Variants in TPD52 observed in about 807,000 individuals in gnomAD.
The protein encoded by TPD52 is tumor protein D52.
Under a neutral mutation model 31.3 loss-of-function variants are expected in TPD52, and 17 were observed. The ratio of observed to expected loss-of-function variants is 0.54; its 90% CI spans 0.37 to 0.82. TPD52 has a LOEUF of 0.82. Ranked by LOEUF, TPD52 falls within the 40% of genes least tolerant of loss-of-function variation. TPD52 has a pLI of 0.00. For synonymous variants in TPD52, 83 were observed against 89.6 expected, an observed-to-expected ratio of 0.93 and a Z score of 0.42; for missense variants, 212 against 240.1, an observed-to-expected ratio of 0.88 and a Z score of 0.77.
intron 1 of TPD52, among the ~76,000 whole-genome samples, chr8:80,101,871 T>G (rs961177651): frequency 4.6e-5 from 7 of 151,948 alleles, no homozygotes; most frequent in African/African-American, 1.7e-4. Flanking sequence ...AACATGAGAT[T>G]TGGAGGGAAC....
intron 1 of TPD52, among the ~76,000 whole-genome samples, chr8:80,114,715 T>TC (rs60392080): frequency 0.11 from 16,919 of 152,238 alleles, 1,175 homozygotes; most frequent in South Asian, 0.21. Context: ...CCCCTGTGCC[T>TC]CTGTTGATGT....
At chr8:80,159,321 A>G (rs1278175049) in intron 1 of TPD52, among the ~76,000 whole-genome samples, 2 of 152,164 alleles carry the variant, frequency 1.3e-5, no homozygotes, top group African/African-American at 2.4e-5. Context: ...TTTACAATCA[A>G]TTCTGATGCA....
chr8:80,100,405 A>G (rs560105390), intron 1 of TPD52, among the ~76,000 whole-genome samples: 1 of 152,358 alleles, frequency 6.6e-6, no homozygotes, highest in Admixed American at 6.5e-5. Context: ...GACAAAGAGA[A>G]GCAAAAAGGC....
intron 5 of TPD52, among the ~76,000 whole-genome samples, chr8:80,046,208 T>A (rs560504083): frequency 3.9e-5 from 6 of 152,338 alleles, no homozygotes; most frequent in Non-Finnish European, 7.4e-5. Flanking sequence ...ATCACTGAAA[T>A]GAATTTGGTG....
intron 1 of TPD52, among the ~76,000 whole-genome samples, chr8:80,107,293 A>C (rs767388924): frequency 1.5e-4 from 23 of 152,174 alleles, no homozygotes; most frequent in Non-Finnish European, 2.2e-4. Flanking sequence ...CAAGCATTAC[A>C]TCAATTCAGC....
At chr8:80,127,669 A>G (rs1041374067) in intron 1 of TPD52, 4 of 152,274 alleles carry the variant, frequency 2.6e-5, no homozygotes, top group Admixed American at 6.5e-5. Context: ...ACTGCAAATC[A>G]GACCAGCAAG....
intron 7 of TPD52, among the ~76,000 whole-genome samples, chr8:80,039,602 T>C (rs1444758089): frequency 6.6e-6 from 1 of 152,144 alleles, no homozygotes; most frequent in African/African-American, 2.4e-5. Flanking sequence ...TCTCTAACAT[T>C]TACAGAAGAA....
intron 1 of TPD52, among the ~76,000 whole-genome samples, chr8:80,133,304 C>A (rs1549462): frequency 6.6e-6 from 1 of 151,868 alleles, no homozygotes; most frequent in Non-Finnish European, 1.5e-5. Context: ...CTTAGGCAAA[C>A]GGTGACAGCC....
intron 1 of TPD52, among the ~76,000 whole-genome samples, chr8:80,107,203 CA>C (rs1807197115): frequency 6.6e-6 from 1 of 152,154 alleles, no homozygotes; most frequent in African/African-American, 2.4e-5. Flanking sequence ...TGCACTAAAC[CA>C]GACCTGCAGA....
At chr8:80,039,163 T>C (rs1810141019) in intron 7 of TPD52, among the ~76,000 whole-genome samples, 1 of 152,204 alleles carries the variant, frequency 6.6e-6, no homozygotes, top group Non-Finnish European at 1.5e-5. Context: ...CTTTTTGATC[T>C]ACCATCCAAA....
chr8:80,086,532 G>C (rs1430383597), intron 1 of TPD52, among the ~76,000 whole-genome samples: 1 of 152,002 alleles, frequency 6.6e-6, no homozygotes, highest in Non-Finnish European at 1.5e-5. Flanking sequence ...TAGGTCCATT[G>C]AAAAAACTGG....
rs370541892 is a variant in TPD52, at chr8:80,045,162, G to A, written c.414-954C>T. ...GTATTCTCTCTATCCTACAATGGTG[G>A]TCAATACCTAGGGTATAAGAGTATA... On this transcript the variant is annotated intron_variant, in intron 5 of 7. Coordinates refer to ENST00000518937, the MANE Select transcript of TPD52 (RefSeq NM_001025253.3). Among the ~76,000 whole-genome samples, 7 of 152,284 alleles carry A rather than the reference G, an allele frequency of 4.6e-5. No individual in the cohort carries two copies. The South Asian group carries it at 8.3e-4, about 18-fold the overall frequency.
chr8:80,073,447 C>A (rs1170523048), intron 1 of TPD52, among the ~76,000 whole-genome samples: 1 of 152,202 alleles, frequency 6.6e-6, no homozygotes, highest in Admixed American at 6.5e-5. Context: ...CCCTGGACCC[C>A]GTGACCTTGG....
At chr8:80,154,001 T>A (rs1285089266) in intron 1 of TPD52, among the ~76,000 whole-genome samples, 1 of 152,214 alleles carries the variant, frequency 6.6e-6, no homozygotes, top group African/African-American at 2.4e-5. Flanking sequence ...TCCCTCCCTA[T>A]GCGCCCTTTC....
At chr8:80,148,089 G>A (rs562622638) in intron 1 of TPD52, among the ~76,000 whole-genome samples, 243 of 152,162 alleles carry the variant, frequency 1.6e-3, no homozygotes, top group African/African-American at 5.4e-3. Flanking sequence ...ATTGCTGTAA[G>A]TCAGGTTCCA....
At chr8:80,138,860 C>T (rs1809622148) in intron 1 of TPD52, among the ~76,000 whole-genome samples, 1 of 152,192 alleles carries the variant, frequency 6.6e-6, no homozygotes, top group Non-Finnish European at 1.5e-5. Context: ...GCCAAGGTAA[C>T]CAAAATTTGG....
chr8:80,152,708 G>C (rs899460749), intron 1 of TPD52, among the ~76,000 whole-genome samples: 1 of 147,684 alleles, frequency 6.8e-6, no homozygotes, highest in African/African-American at 2.6e-5. Context: ...TTGAATCTTG[G>C]GGGGCAGATG....
intron 3 of TPD52, chr8:80,052,534 C>T: frequency 2.0e-6 from 2 of 997,828 alleles, no homozygotes; most frequent in Non-Finnish European, 2.7e-6. Flanking sequence ...ACTGGGGACT[C>T]AAGTACTGTC....
chr8:80,088,582 G>C (rs1816007242), intron 1 of TPD52, among the ~76,000 whole-genome samples: 3 of 152,172 alleles, frequency 2.0e-5, no homozygotes, highest in Admixed American at 2.0e-4. Context: ...CCTGTCTGAA[G>C]CTGGACTGCC....
Sources: gnomAD v4.1 joint callset for allele counts (sites outside exome capture counted in the v4.1 genomes callset) on GRCh38, gnomAD v4.1.1 for gene constraint, MANE v1.5 for transcripts, NCBI Gene and HGNC (gene_info 2026-07-23, HGNC 2026-07-21) for gene names.